BTC: variants seen among roughly 807,000 people sequenced by gnomAD.
BTC encodes probetacellulin.
Under a neutral mutation model 18.1 loss-of-function variants are expected in BTC, and 13 were observed. That is an observed-to-expected ratio of 0.72 (90% CI 0.47 to 1.14). The LOEUF is 1.14. Among genes scored for constraint, BTC ranks in the 50% most tolerant of loss-of-function variants. The pLI, the probability that BTC is intolerant of heterozygous loss-of-function variation, is 0.00. For synonymous variants in BTC, 83 were observed against 79.4 expected, an observed-to-expected ratio of 1.05 and a Z score of -0.24; for missense variants, 247 against 224.2, an observed-to-expected ratio of 1.10 and a Z score of -0.65.
At position 74,777,252 on chromosome 4, in the gene BTC, C is replaced by T. The variant is rs998475898; in HGVS notation, c.65-7096G>A. On this transcript the variant is annotated intron_variant, in intron 1 of 5. Transcript: ENST00000395743. ...GGCTCATAATACCTAACTTACATAG[C>T]CATGGTAAAAATGTAGCTGTGTGCT... Among the ~76,000 whole-genome samples the T allele has an allele frequency of 2.6e-5, 4 of 152,074 alleles. No individual in the cohort carries two copies. In the South Asian group the frequency reaches 8.3e-4, roughly 32 times the overall value.
At chr4:74,761,353 T>C (rs1401886513) in intron 2 of BTC, among the ~76,000 whole-genome samples, 3 of 152,158 alleles carry the variant, frequency 2.0e-5, no homozygotes, top group African/African-American at 7.2e-5. Flanking sequence ...ATTTTGCAAA[T>C]ACAGCAGGGC....
In BTC at chr4:74,762,782, T is replaced by C. The variant is rs139584873; in HGVS notation, c.164-6806A>G. Among the ~76,000 whole-genome samples the C allele has an allele frequency of 7.6e-4, 115 of 152,294 alleles. 1 individual carries two copies. The highest frequency in any genetic ancestry group is 2.7e-3 in the African/African-American group (112 of 41,584). ...TCTACCTATTAATTTTACCTGATGT[T>C]TTAAGGTAATGCAGTTATTTTAGCC... On this transcript the variant is annotated intron_variant, in intron 2 of 5. Coordinates refer to ENST00000395743, the MANE Select transcript of BTC (RefSeq NM_001729.4).
chr4:74,776,494 T>A (rs932357508), intron 1 of BTC, among the ~76,000 whole-genome samples: 3 of 152,196 alleles, frequency 2.0e-5, no homozygotes, highest in Non-Finnish European at 4.4e-5. Flanking sequence ...CTTCAGTGAA[T>A]CAAGGCTGTA....
At chr4:74,778,313 G>A (rs559178428) in intron 1 of BTC, among the ~76,000 whole-genome samples, 1 of 152,194 alleles carries the variant, frequency 6.6e-6, no homozygotes, top group East Asian at 1.9e-4. Context: ...TAACTCAAAA[G>A]AAACACTCTA....
intron 3 of BTC, among the ~76,000 whole-genome samples, chr4:74,753,827 GAAAA>G (rs5859440): frequency 7.8e-6 from 1 of 128,726 alleles, no homozygotes; most frequent in Non-Finnish European, 1.8e-5. Context: ...TCCAAAAAAA[GAAAA>G]AAAAAATATT....
intron 1 of BTC, among the ~76,000 whole-genome samples, chr4:74,778,277 G>C (rs2109909517): frequency 6.6e-6 from 1 of 152,204 alleles, no homozygotes; most frequent in African/African-American, 2.4e-5. Context: ...TGCTTTCAAA[G>C]CAGACCTTCA....
intron 1 of BTC, among the ~76,000 whole-genome samples, chr4:74,776,691 C>T (rs1015794389): frequency 6.6e-6 from 1 of 152,136 alleles, no homozygotes; most frequent in African/African-American, 2.4e-5. Flanking sequence ...AAGTAGTACA[C>T]CAGCTGGGTC....
At chr4:74,776,036 G>C (rs572925563) in intron 1 of BTC, among the ~76,000 whole-genome samples, 2 of 152,208 alleles carry the variant, frequency 1.3e-5, no homozygotes, top group African/African-American at 4.8e-5. Flanking sequence ...TAGCATATCA[G>C]CCCTTTTTGC....
intron 4 of BTC, among the ~76,000 whole-genome samples, chr4:74,749,474 C>A (rs1037311399): frequency 1.5e-5 from 2 of 137,416 alleles, no homozygotes; most frequent in Non-Finnish European, 3.1e-5. Flanking sequence ...CAGAGCAAGA[C>A]TCTGTCTCAA....
intron 1 of BTC, among the ~76,000 whole-genome samples, chr4:74,776,080 A>G (rs1357008316): frequency 2.0e-5 from 3 of 152,146 alleles, no homozygotes; most frequent in African/African-American, 7.2e-5. Flanking sequence ...TATTCTCCTT[A>G]CCATAAAATG....
At chr4:74,780,909 T>TA (rs201804430) in intron 1 of BTC, among the ~76,000 whole-genome samples, 4,774 of 151,324 alleles carry the variant, frequency 0.032, 231 homozygotes, top group African/African-American at 0.11. Context: ...TTTTTTTTTT[T>TA]AATTTTATTA....
chr4:74,754,914 T>A (rs189404871), intron 3 of BTC, among the ~76,000 whole-genome samples: 49 of 148,438 alleles, frequency 3.3e-4, no homozygotes, highest in Non-Finnish European at 5.6e-4. Context: ...TGAATTTTTT[T>A]AAAAAATTAG....
At chr4:74,747,918 T>C in intron 5 of BTC, 122 bp downstream of exon 5, 1 of 505,174 alleles carries the variant, frequency 2.0e-6, no homozygotes, top group Non-Finnish European at 3.4e-6. Context: ...CATTGATTTA[T>C]TTTTAGATGT....
chr4:74,766,876 C>T (rs956280320), intron 2 of BTC, among the ~76,000 whole-genome samples: 8 of 151,894 alleles, frequency 5.3e-5, no homozygotes, highest in African/African-American at 9.7e-5. Flanking sequence ...AAATTCAACA[C>T]CTTTTCATAA....
intron 1 of BTC, among the ~76,000 whole-genome samples, chr4:74,776,687 T>C (rs1213813296): frequency 1.3e-5 from 2 of 152,174 alleles, no homozygotes; most frequent in Non-Finnish European, 2.9e-5. Context: ...AGGTAAGTAG[T>C]ACACCAGCTG....
rs1577942757 is a variant in BTC, at chr4:74,746,578, A to G, written c.*99T>C. 6.5e-6 allele frequency: 1 copy of G among 152,766 alleles called. No individual in the cohort carries two copies. Among genetic ancestry groups the G allele is most frequent in the East Asian group, 1.9e-4 (1 of 5,188 alleles). 9.5% of individuals were successfully genotyped at this position (152,766 alleles called of 1,614,324 possible). A position where few individuals can be genotyped will look rare whatever the true frequency, so the allele number is the denominator to read the frequency against. ...AAAGTAAATACATTATTTAAAATTCATGTCTACTAGCTGTTTTCCTGAGAC... is the reference window on the plus strand; with the variant it reads ...AAAGTAAATACATTATTTAAAATTCGTGTCTACTAGCTGTTTTCCTGAGAC... On this transcript the variant is annotated 3_prime_UTR_variant, in exon 6 of 6. Coordinates refer to ENST00000395743, the MANE Select transcript of BTC (RefSeq NM_001729.4).
chr4:74,790,434 C>T (rs1725592827), intron 1 of BTC, among the ~76,000 whole-genome samples: 1 of 152,160 alleles, frequency 6.6e-6, no homozygotes, highest in African/African-American at 2.4e-5. Flanking sequence ...TCAGAGCTAG[C>T]AAGTCACAGC....
intron 1 of BTC, among the ~76,000 whole-genome samples, chr4:74,775,803 T>A (rs977225930): frequency 1.3e-5 from 2 of 152,208 alleles, no homozygotes; most frequent in Non-Finnish European, 2.9e-5. Flanking sequence ...CCTTGACAGA[T>A]TCTCATATAT....
chr4:74,764,921 G>T (rs779595390), intron 2 of BTC, among the ~76,000 whole-genome samples: 17 of 152,092 alleles, frequency 1.1e-4, no homozygotes, highest in Non-Finnish European at 2.4e-4. Flanking sequence ...TGATTGAGGA[G>T]CAAAGTCATG....
Sources: gnomAD v4.1 joint callset for allele counts (sites outside exome capture counted in the v4.1 genomes callset) on GRCh38, gnomAD v4.1.1 for gene constraint, MANE v1.5 for transcripts, NCBI Gene and HGNC (gene_info 2026-07-23, HGNC 2026-07-21) for gene names.